The following CNTN4 variants were observed in gnomAD, a reference collection of about 807,000 sequenced individuals.
The protein encoded by CNTN4 is contactin-4.
A neutral mutation model predicts 122.5 loss-of-function variants in CNTN4; 77 were observed. That is an observed-to-expected ratio of 0.63 (90% CI 0.52 to 0.76). The LOEUF (loss-of-function observed/expected upper bound fraction) is 0.76, where lower values mean the gene tolerates loss of function less well. Ranked by LOEUF, CNTN4 falls within the 30% of genes least tolerant of loss-of-function variation. The pLI is 0.00. For synonymous variants in CNTN4, 512 were observed against 447.0 expected, an observed-to-expected ratio of 1.15 and a Z score of -1.83; for missense variants, 1,256 against 1,259.1, an observed-to-expected ratio of 1.00 and a Z score of 0.04.
intron 4 of CNTN4, among the ~76,000 whole-genome samples, chr3:2,582,699 T>C (rs758818836): frequency 3.9e-5 from 6 of 152,052 alleles, no homozygotes; most frequent in Non-Finnish European, 8.8e-5. Context: ...GGTGTGAGAG[T>C]GATCTTGAAG....
At position 2,649,678 on chromosome 3, in the gene CNTN4, T is replaced by C. The variant is rs143729361; in HGVS notation, c.55+78120T>C. ...CTTCCAGCTAACACAACATCGAATCTGCAGCCAATGGATCAGGAGTCATTT... is the reference window on the plus strand; with the variant it reads ...CTTCCAGCTAACACAACATCGAATCCGCAGCCAATGGATCAGGAGTCATTT... On this transcript the variant is annotated intron_variant, in intron 4 of 24. Transcript: ENST00000418658. Among the ~76,000 whole-genome samples the C allele has an allele frequency of 3.5e-3, 527 of 152,330 alleles. 3 individuals carry two copies. The highest frequency in any genetic ancestry group is 0.012 in the African/African-American group (502 of 41,580).
intron 7 of CNTN4, among the ~76,000 whole-genome samples, chr3:2,860,438 T>C (rs2093659890): frequency 6.6e-6 from 1 of 152,178 alleles, no homozygotes; most frequent in South Asian, 2.1e-4. Context: ...ATGGTCCTGC[T>C]CATTGCTTGG....
intron 3 of CNTN4, among the ~76,000 whole-genome samples, chr3:2,563,664 T>C (rs1449878307): frequency 6.6e-6 from 1 of 152,216 alleles, no homozygotes; most frequent in Non-Finnish European, 1.5e-5. Flanking sequence ...TTTGAATACA[T>C]GGCTCTTCTG....
intron 3 of CNTN4, among the ~76,000 whole-genome samples, chr3:2,517,539 A>T (rs1286399182): frequency 6.6e-6 from 1 of 152,150 alleles, no homozygotes; most frequent in African/African-American, 2.4e-5. Context: ...GGTAGGGCGT[A>T]ATGCCATGCA....
At chr3:2,531,431 C>T (rs1250682074) in intron 3 of CNTN4, among the ~76,000 whole-genome samples, 9 of 152,172 alleles carry the variant, frequency 5.9e-5, no homozygotes, top group African/African-American at 1.9e-4. Context: ...CCTTCTCCAT[C>T]TCCATTGTCT....
chr3:2,148,566 A>G (rs924543715), intron 2 of CNTN4, among the ~76,000 whole-genome samples: 6 of 151,926 alleles, frequency 3.9e-5, no homozygotes, highest in Non-Finnish European at 7.4e-5. Context: ...AAAAAATATT[A>G]GTAGGTCTAA....
intron 14 of CNTN4, among the ~76,000 whole-genome samples, chr3:3,016,061 AT>A (rs1184881003): frequency 2.0e-5 from 3 of 152,178 alleles, no homozygotes; most frequent in Non-Finnish European, 4.4e-5. Flanking sequence ...AAACATTCTA[AT>A]TATTATTTGA....
chr3:2,791,928 G>C (rs1036373764), intron 6 of CNTN4, among the ~76,000 whole-genome samples: 3 of 152,006 alleles, frequency 2.0e-5, no homozygotes, highest in Non-Finnish European at 4.4e-5. Context: ...CCTTGTCATC[G>C]GATTTAGGGC....
intron 4 of CNTN4, among the ~76,000 whole-genome samples, chr3:2,691,949 GC>G (rs2085761949): frequency 6.6e-6 from 1 of 152,162 alleles, no homozygotes; most frequent in Non-Finnish European, 1.5e-5. Flanking sequence ...ATACCTACCT[GC>G]TAGGGACGGT....
chr3:2,393,843 G>T (rs1361771749), intron 3 of CNTN4, among the ~76,000 whole-genome samples: 1 of 151,988 alleles, frequency 6.6e-6, no homozygotes, highest in Non-Finnish European at 1.5e-5. Context: ...AGACAGGGTA[G>T]TAGGAATCAC....
intron 8 of CNTN4, among the ~76,000 whole-genome samples, chr3:2,867,943 T>G (rs1035761889): frequency 1.3e-5 from 2 of 152,178 alleles, no homozygotes; most frequent in Admixed American, 1.3e-4. Context: ...TCAATAAATA[T>G]TTGTTGAATA....
At chr3:2,169,268 C>T (rs1291385045) in intron 2 of CNTN4, among the ~76,000 whole-genome samples, 1 of 152,042 alleles carries the variant, frequency 6.6e-6, no homozygotes, top group Non-Finnish European at 1.5e-5. Flanking sequence ...GTTCAGTATT[C>T]AGAGGTATAT....
At chr3:3,045,094 G>A (rs1212057955) in intron 23 of CNTN4, among the ~76,000 whole-genome samples, 4 of 152,222 alleles carry the variant, frequency 2.6e-5, no homozygotes, top group Non-Finnish European at 5.9e-5. Flanking sequence ...GGGGGAGGGG[G>A]CGCCTGCCAT....
intron 8 of CNTN4, among the ~76,000 whole-genome samples, chr3:2,880,034 AATAG>A (rs2093889122): frequency 6.6e-6 from 1 of 152,138 alleles, no homozygotes; most frequent in African/African-American, 2.4e-5. Flanking sequence ...TTTGGGCCTA[AATAG>A]ATAGGATTTT....
At chr3:2,557,807 C>G (rs182953980) in intron 3 of CNTN4, among the ~76,000 whole-genome samples, 13 of 151,340 alleles carry the variant, frequency 8.6e-5, no homozygotes, top group African/African-American at 1.7e-4. Context: ...TACGTTTGAC[C>G]GTTCAGCAGT....
chr3:2,732,782 G>T (rs1391061698), intron 4 of CNTN4, among the ~76,000 whole-genome samples: 2 of 151,852 alleles, frequency 1.3e-5, no homozygotes, highest in African/African-American at 2.4e-5. Flanking sequence ...GGATATCTGG[G>T]TTTTTTTTAA....
chr3:2,502,520 T>A (rs944172479), intron 3 of CNTN4, among the ~76,000 whole-genome samples: 1 of 152,162 alleles, frequency 6.6e-6, no homozygotes, highest in Non-Finnish European at 1.5e-5. Context: ...CTCCTGTCTC[T>A]ATGCCTTCCA....
chr3:2,195,980 TTGTC>T (rs541183673), intron 2 of CNTN4, among the ~76,000 whole-genome samples: 496 of 152,348 alleles, frequency 3.3e-3, no homozygotes, highest in Non-Finnish European at 5.1e-3. Flanking sequence ...ACTCACATGT[TTGTC>T]TGATCCATTT....
chr3:2,441,703 G>A (rs894783614), intron 3 of CNTN4, among the ~76,000 whole-genome samples: 1 of 152,166 alleles, frequency 6.6e-6, no homozygotes, highest in Admixed American at 6.6e-5. Context: ...ATTGTCTATA[G>A]GAAGGGCGTT....
Sources: gnomAD v4.1 joint callset for allele counts (sites outside exome capture counted in the v4.1 genomes callset) on GRCh38, gnomAD v4.1.1 for gene constraint, MANE v1.5 for transcripts, NCBI Gene and HGNC (gene_info 2026-07-23, HGNC 2026-07-21) for gene names.